The following INSL6 variants were observed in gnomAD, a reference collection of about 807,000 sequenced individuals.
The protein encoded by INSL6 is insulin-like peptide INSL6.
Under a neutral mutation model 9.4 loss-of-function variants are expected in INSL6, and 16 were observed. That is an observed-to-expected ratio of 1.70 (90% CI 1.15 to 2.59). The LOEUF (loss-of-function observed/expected upper bound fraction) is 2.59. INSL6 is among the 30% of genes most tolerant of loss of function. The probability of loss-of-function intolerance (pLI) is 0.00; values close to 1 mark genes in which losing one functional copy is unlikely to be tolerated. For missense variants in INSL6, 391 were observed against 257.3 expected (o/e 1.52, Z -3.56); for synonymous variants, 154 against 96.9 (o/e 1.59, Z -3.46).
chr9:5,025,573 G>A, the INSL6 span, among the ~76,000 whole-genome samples: 1 of 136,714 alleles, frequency 7.3e-6, no homozygotes, highest in African/African-American at 2.8e-5. Flanking sequence ...TTGCTCTGTT[G>A]CCCAGGCTGG....
chr9:5,110,838 A>C, the INSL6 span: 6 of 451,466 alleles, frequency 1.3e-5, no homozygotes, highest in Non-Finnish European at 1.7e-5. Flanking sequence ...TGTTCGGGGA[A>C]GGTGGGGGGG....
the INSL6 span, chr9:5,080,259 C>G: frequency 6.2e-7 from 1 of 1,613,274 alleles, no homozygotes; most frequent in Non-Finnish European, 8.5e-7. Context: ...TGGGTACCAC[C>G]TGAATGCATT....
chr9:5,083,471 C>T, the INSL6 span, among the ~76,000 whole-genome samples: 1 of 152,150 alleles, frequency 6.6e-6, no homozygotes, highest in African/African-American at 2.4e-5. Context: ...GAAATATCTC[C>T]AGATGTCATT....
the INSL6 span, chr9:5,114,199 T>C: frequency 2.1e-6 from 1 of 479,128 alleles, no homozygotes; most frequent in Non-Finnish European, 4.1e-6. Context: ...AGCACCTACC[T>C]GAGCCGGTCC....
intron 1 of INSL6, among the ~76,000 whole-genome samples, chr9:5,175,025 T>C (rs1476439305): frequency 5.9e-5 from 9 of 151,852 alleles, no homozygotes; most frequent in Admixed American, 5.9e-4. Context: ...CTGCAAGCTC[T>C]GCCTCCCGGG....
downstream of INSL6, among the ~76,000 whole-genome samples, chr9:5,160,650 C>T (rs1017839148): frequency 2.6e-5 from 4 of 151,918 alleles, no homozygotes; most frequent in Non-Finnish European, 5.9e-5. Context: ...CAACGAAACA[C>T]AAAGTTGGTT....
intron 1 of INSL6, 133 bp from the exon 2 acceptor site, chr9:5,164,398 T>C (rs557046943): frequency 4.7e-6 from 3 of 634,610 alleles, no homozygotes; most frequent in African/African-American, 3.7e-5. Flanking sequence ...ATGGAAAGTA[T>C]GGTTATTCAA....
At chr9:5,009,187 C>T in the INSL6 span, among the ~76,000 whole-genome samples, 2 of 152,080 alleles carry the variant, frequency 1.3e-5, no homozygotes, top group South Asian at 2.1e-4. Flanking sequence ...TTGGGTGGTC[C>T]GAGGCTCAGA....
At chr9:5,031,526 T>G in the INSL6 span, among the ~76,000 whole-genome samples, 1 of 152,072 alleles carries the variant, frequency 6.6e-6, no homozygotes, top group African/African-American at 2.4e-5. Flanking sequence ...TTGAATAAAA[T>G]TTTAGCTTCT....
At chr9:5,174,515 T>C (rs929420599) in intron 1 of INSL6, among the ~76,000 whole-genome samples, 1 of 152,204 alleles carries the variant, frequency 6.6e-6, no homozygotes, top group Non-Finnish European at 1.5e-5. Context: ...CCAACCTAAG[T>C]AGTTGTCCCT....
downstream of INSL6, among the ~76,000 whole-genome samples, chr9:5,159,494 G>T (rs556645045): frequency 8.6e-5 from 13 of 151,766 alleles, no homozygotes; most frequent in African/African-American, 2.9e-4. Context: ...AAAACAAGCA[G>T]GAGTGACTCT....
intron 3 of INSL6, among the ~76,000 whole-genome samples, chr9:5,130,213 C>G (rs1209869523): frequency 2.0e-5 from 3 of 152,052 alleles, no homozygotes; most frequent in Non-Finnish European, 4.4e-5. Flanking sequence ...CTAAGAGTCC[C>G]TGTTCTAGTT....
At chr9:5,041,431 C>A in the INSL6 span, 1 of 626,788 alleles carries the variant, frequency 1.6e-6, no homozygotes, top group South Asian at 1.6e-5. Flanking sequence ...TGTTCATGTA[C>A]TTCCTGTGCA....
At chr9:5,050,634 A>T in the INSL6 span, 2 of 1,523,442 alleles carry the variant, frequency 1.3e-6, no homozygotes, top group Non-Finnish European at 1.8e-6. Context: ...ATAGATTAAA[A>T]CATGATAATG....
At chr9:5,031,976 G>C in the INSL6 span, among the ~76,000 whole-genome samples, 11 of 152,384 alleles carry the variant, frequency 7.2e-5, no homozygotes, top group Middle Eastern at 3.4e-3. Context: ...CCACACCCGG[G>C]AAGCGCAAAG....
At chr9:5,021,325 C>G in the INSL6 span, among the ~76,000 whole-genome samples, 1 of 152,170 alleles carries the variant, frequency 6.6e-6, no homozygotes, top group South Asian at 2.1e-4. Context: ...TCTAGTCAAC[C>G]TTCTGGACCC....
intron 2 of INSL6, among the ~76,000 whole-genome samples, chr9:5,154,247 T>G (rs1160235155): frequency 1.3e-5 from 2 of 152,244 alleles, no homozygotes; most frequent in African/African-American, 4.8e-5. Flanking sequence ...TAATAAATGG[T>G]GTTGGGAAAA....
chr9:5,170,906 A>G lies in INSL6; in HGVS notation c.290-6641T>C, dbSNP rs1231133672. ...ATGGATTCACAGCTGAATTCTACCA[A>G]AAGTACAAAGAGGAGCTGATATTCT... On this transcript the variant is annotated intron_variant, in intron 1 of 1. Coordinates refer to ENST00000381641, the MANE Select transcript of INSL6 (RefSeq NM_007179.3). 2.6e-5 allele frequency among the ~76,000 whole-genome samples: 4 copies of G among 152,074 alleles called. No individual in the cohort carries two copies. In the East Asian group the frequency reaches 5.8e-4, roughly 22 times the overall value.
chr9:5,061,405 A>G, the INSL6 span, among the ~76,000 whole-genome samples: 920 of 152,164 alleles, frequency 6.0e-3, 5 homozygotes, highest in African/African-American at 0.02. Context: ...AATGGTCCTT[A>G]CTAGATCTTC....
Sources: gnomAD v4.1 joint callset for allele counts (sites outside exome capture counted in the v4.1 genomes callset) on GRCh38, gnomAD v4.1.1 for gene constraint, MANE v1.5 for transcripts, NCBI Gene and HGNC (gene_info 2026-07-23, HGNC 2026-07-21) for gene names.